The following NLRP2 variants were observed in gnomAD, a reference collection of about 807,000 sequenced individuals.
NLRP2 encodes the protein NLR family pyrin domain containing 2.
In NLRP2, 107 loss-of-function variants were observed where a neutral mutation model predicts 97.2. That is an observed-to-expected ratio of 1.10 (90% CI 0.94 to 1.29). NLRP2 has a LOEUF of 1.29. Among genes scored for constraint, NLRP2 ranks in the 50% most tolerant of loss-of-function variants. The probability of loss-of-function intolerance (pLI) is 0.00; values close to 1 mark genes in which losing one functional copy is unlikely to be tolerated. For synonymous variants in NLRP2, 663 were observed against 551.5 expected (o/e 1.20, Z -2.83); for missense variants, 1,495 against 1,330.3 (o/e 1.12, Z -1.93).
chr19:54,991,561 A>G (rs2146513116), intron 10 of NLRP2: 1 of 151,264 alleles, frequency 6.6e-6, no homozygotes, highest in East Asian at 2.0e-4. Context: ...AAAAAAAAAA[A>G]ATTATAGGAC....
At chr19:54,981,413 C>A (rs1407226622) in intron 4 of NLRP2, among the ~76,000 whole-genome samples, 1 of 151,942 alleles carries the variant, frequency 6.6e-6, no homozygotes, top group Non-Finnish European at 1.5e-5. Context: ...GTGATCCACC[C>A]CACCTCAGCC....
chr19:54,992,556 C>CTTTTTTTTTTTTTTTT (rs71181721), intron 10 of NLRP2, among the ~76,000 whole-genome samples: 1 of 82,516 alleles, frequency 1.2e-5, no homozygotes. Context: ...GGGGGGTTTT[C>CTTTTTTTTTTTTTTTT]TTTTTTTTTT....
At chr19:54,977,951 T>C (rs958332142) in intron 4 of NLRP2, 128 bp downstream of exon 4, 9 of 874,124 alleles carry the variant, frequency 1.0e-5, no homozygotes, top group Non-Finnish European at 1.7e-5. Context: ...ATGTGCCCAC[T>C]GTCTCCTGGA....
In NLRP2 at chr19:54,977,314, C is replaced by T. The variant is rs191452973; in HGVS notation, c.326-438C>T. On this transcript the variant is annotated intron_variant, in intron 3 of 12. Transcript: ENST00000448584. ...CACATTCCTGTAATCCCAGCTACTC[C>T]GGAGGCCGAGGCAGGAGAATCACTT... is the stretch of plus-strand genomic sequence containing the variant. Among the ~76,000 whole-genome samples, 382 of 151,792 alleles carry T rather than the reference C, an allele frequency of 2.5e-3. 3 individuals are homozygous for T. The highest frequency in any genetic ancestry group is 8.0e-3 in the African/African-American group (333 of 41,386).
chr19:54,974,109 A>G, intron 2 of NLRP2: 1 of 765,054 alleles, frequency 1.3e-6, no homozygotes, highest in South Asian at 1.4e-5. Context: ...TAATCCCAAC[A>G]CTTTGGGAGG....
chr19:54,990,125 C>T lies in NLRP2; in HGVS notation c.2470C>T (p.Leu824=), dbSNP rs1313791833. ...CGTAAACCTCTCCGACAATGAGCTTCTGGATGAGGGTGCTAAGTTGCTGTA... is the reference window on the plus strand; with the variant it reads ...CGTAAACCTCTCCGACAATGAGCTTTTGGATGAGGGTGCTAAGTTGCTGTA... ...TCVNLSDNEL[L]DEGAKLLYTT... Residue 824 remains leucine (L), a synonymous_variant, in exon 9 of 13, where the codon CTG becomes TTG. Transcript: ENST00000448584. 1.2e-6 allele frequency: 2 copies of T among 1,614,168 alleles called. No individual in the cohort carries two copies. Among genetic ancestry groups the T allele is most frequent in the Non-Finnish European group, 8.5e-7 (1 of 1,180,038 alleles).
At chr19:54,973,122 CAG>C (rs991702638) in intron 2 of NLRP2, among the ~76,000 whole-genome samples, 2 of 151,302 alleles carry the variant, frequency 1.3e-5, no homozygotes, top group African/African-American at 4.9e-5. Flanking sequence ...ACCAGAGAGT[CAG>C]AGGTTGCAGT....
intron 2 of NLRP2, among the ~76,000 whole-genome samples, chr19:54,971,076 G>GT (rs2070825046): frequency 6.9e-6 from 1 of 144,448 alleles, no homozygotes; most frequent in Non-Finnish European, 1.5e-5. Flanking sequence ...GCGGTGTTTG[G>GT]TTTTTTGTTC....
In NLRP2 at chr19:54,986,260, T is replaced by G; in HGVS notation, c.2311T>G (p.Phe771Val). ...TLQGNDQDDM[F>V]PALCEVLRHP... ...TCAAGGCAATGACCAGGATGATATG[T>G]TTCCCGCATTGTGTGAGGTCTTGAG... The change falls in exon 8 of 13, where the codon TTT (phenylalanine) becomes GTT (valine). Residue 771 changes from phenylalanine (F) to valine (V), a missense_variant. By Grantham distance (50) the Phe-to-Val change is conservative. Transcript: ENST00000448584. The G allele has an allele frequency of 1.9e-6, 3 of 1,614,118 alleles. No individual in the cohort carries two copies. Among genetic ancestry groups the G allele is most frequent in the Non-Finnish European group, 2.5e-6 (3 of 1,179,980 alleles).
Position 54,996,049 on chromosome 19 carries a change from AAAAAC to A in NLRP2, c.2880-1263_2880-1259del, listed in dbSNP as rs1200475805. Among the ~76,000 whole-genome samples, 99 of 148,262 alleles carry A rather than the reference AAAAAC, an allele frequency of 6.7e-4. 1 individual carries two copies. The highest frequency in any genetic ancestry group is 2.4e-3 in the African/African-American group (94 of 39,948). On this transcript the variant is annotated intron_variant, in intron 11 of 12. Coordinates refer to ENST00000448584, the MANE Select transcript of NLRP2 (RefSeq NM_017852.5). ...TGAGATCCTGTCTCAAAAAAAAAAA[AAAAAC>A]AAAAAAAACAAAGGCGCCTTTTTAA...
intron 10 of NLRP2, among the ~76,000 whole-genome samples, chr19:54,992,501 T>C (rs2072539221): frequency 7.1e-6 from 1 of 141,782 alleles, no homozygotes; most frequent in South Asian, 2.4e-4. Context: ...TTTTTGGTTG[T>C]GTGTGTGTGT....
chr19:54,971,644 CG>C (rs2070860405), intron 2 of NLRP2, among the ~76,000 whole-genome samples: 1 of 151,674 alleles, frequency 6.6e-6, no homozygotes, highest in Non-Finnish European at 1.5e-5. Flanking sequence ...CTGTTCATGT[CG>C]TTCGCCCACT....
chr19:55,000,633 C>A, intron 12 of NLRP2, 127 bp from the exon 13 acceptor site: 1 of 929,936 alleles, frequency 1.1e-6, no homozygotes, highest in Non-Finnish European at 1.7e-6. Flanking sequence ...ACTCCTTTGC[C>A]ACCTAGAATA....
chr19:54,968,818 C>CTG (rs2070655160), intron 1 of NLRP2, among the ~76,000 whole-genome samples: 2 of 151,086 alleles, frequency 1.3e-5, no homozygotes, highest in African/African-American at 4.9e-5. Flanking sequence ...TCTCCTGCCT[C>CTG]AGCCTCCCAA....
Position 54,974,523 on chromosome 19 carries a change from A to T in NLRP2, c.304A>T (p.Lys102Ter), listed in dbSNP as rs770791551. The T allele has an allele frequency of 8.1e-6, 13 of 1,610,698 alleles. No individual in the cohort carries two copies. Among genetic ancestry groups the T allele is most frequent in the Non-Finnish European group, 8.5e-7 (1 of 1,177,036 alleles). Residue 102 changes from lysine (K) to a stop codon, truncating the protein, a stop_gained, in exon 3 of 13, where the codon AAA becomes TAA. Coordinates refer to ENST00000448584, the MANE Select transcript of NLRP2 (RefSeq NM_017852.5). LOFTEE classifies it high-confidence loss of function. Reference sequence around the variant, plus strand: ...AGAAGCAGCTTTGAAATCCTTTAATAAAAGGAAGCCTCTATCATTAGGTAA... The same window carrying T: ...AGAAGCAGCTTTGAAATCCTTTAATTAAAGGAAGCCTCTATCATTAGGTAA... Reference protein sequence around the residue: ...VREAALKSFNKRKPLSLGITR... With the variant: ...VREAALKSFN
At chr19:54,992,374 A>T (rs2072529822) in intron 10 of NLRP2, among the ~76,000 whole-genome samples, 1 of 151,936 alleles carries the variant, frequency 6.6e-6, no homozygotes, top group Non-Finnish European at 1.5e-5. Flanking sequence ...GATGAGTAGA[A>T]GGAAAGGATT....
intron 1 of NLRP2, among the ~76,000 whole-genome samples, chr19:54,969,435 AGCACTGCACT>A (rs2070700619): frequency 6.7e-6 from 1 of 150,022 alleles, no homozygotes. Context: ...CCGAGATTGC[AGCACTGCACT>A]CCAGCCAGGG....
intron 10 of NLRP2, chr19:54,991,054 G>C (rs1362957270): frequency 1.1e-5 from 3 of 273,864 alleles, no homozygotes; most frequent in Non-Finnish European, 2.1e-5. Context: ...ACCCCATGCT[G>C]TGTTTTCTCT....
At chr19:54,991,686 C>G (rs185986551) in intron 10 of NLRP2, 25 of 151,824 alleles carry the variant, frequency 1.6e-4, no homozygotes, top group Admixed American at 1.3e-3. Flanking sequence ...CTGGCTGATG[C>G]AGTGAAACCC....
Sources: gnomAD v4.1 joint callset for allele counts (sites outside exome capture counted in the v4.1 genomes callset) on GRCh38, gnomAD v4.1.1 for gene constraint, MANE v1.5 for transcripts, NCBI Gene and HGNC (gene_info 2026-07-23, HGNC 2026-07-21) for gene names.